FBXO10: variants seen among roughly 807,000 people sequenced by gnomAD.
The protein encoded by FBXO10 is F-box only protein 10.
In FBXO10, 39 loss-of-function variants were observed where a neutral mutation model predicts 80.7. The ratio of observed to expected loss-of-function variants is 0.48; its 90% confidence interval spans 0.37 to 0.63. The LOEUF is 0.63. Among genes scored for constraint, FBXO10 ranks in the 30% least tolerant of loss-of-function variants. The pLI is 0.00. For synonymous variants in FBXO10, 449 were observed against 489.6 expected (o/e 0.92, Z 1.09); for missense variants, 1,025 against 1,269.0 (o/e 0.81, Z 2.92).
At chr9:37,515,796 A>T in intron 10 of FBXO10, 108 bp downstream of exon 10, 1 of 1,167,574 alleles carries the variant, frequency 8.6e-7, no homozygotes, top group Non-Finnish European at 1.2e-6. Context: ...GACAGCTGGC[A>T]GGGTTGCAGG....
intron 8 of FBXO10, among the ~76,000 whole-genome samples, chr9:37,519,109 C>T (rs1821262216): frequency 6.6e-6 from 1 of 152,104 alleles, no homozygotes. Context: ...CATGGTTTCA[C>T]CGTGTTAGCC....
chr9:37,573,639 A>G (rs1390404030), intron 1 of FBXO10, among the ~76,000 whole-genome samples: 1 of 152,176 alleles, frequency 6.6e-6, no homozygotes, highest in Admixed American at 6.5e-5. Context: ...GCCCCCAGAG[A>G]GGCTGGAGAA....
In FBXO10 at chr9:37,537,852, C is replaced by T; in HGVS notation, c.677G>A (p.Cys226Tyr). Residue 226 changes from cysteine (C) to tyrosine (Y), a missense_variant, in exon 3 of 11, where the codon TGT becomes TAT. By Grantham distance (194) the Cys-to-Tyr change is radical. Coordinates refer to ENST00000432825, the MANE Select transcript of FBXO10 (RefSeq NM_012166.3). ...HGPGTCQVKF[C>Y]TFKNTHIFLH... ...GAAGATATGGGTGTTTTTGAAGGTA[C>T]AGAACTTCACTTGGCAAGTACCCGG... The T allele has an allele frequency of 3.1e-6, 5 of 1,613,954 alleles. No individual in the cohort carries two copies. Among genetic ancestry groups the T allele is most frequent in the Non-Finnish European group, 4.2e-6 (5 of 1,179,878 alleles).
chr9:37,512,684 G>C lies in FBXO10; in HGVS notation c.2734C>G (p.Pro912Ala), dbSNP rs1228716617. The C allele has an allele frequency of 6.2e-7, 1 of 1,613,922 alleles. No individual in the cohort carries two copies. The highest frequency in any genetic ancestry group is 8.5e-7 in the Non-Finnish European group (1 of 1,179,910). ...TWRLVNPPAR[P>A]HLENSLRRPS... ...CGTCTGAGAGAATTTTCAAGGTGGGGCCGTGCTGGTGGGTTCACCAGGCGC... is the reference window on the plus strand; with the variant it reads ...CGTCTGAGAGAATTTTCAAGGTGGGCCCGTGCTGGTGGGTTCACCAGGCGC... The change falls in exon 11 of 11, where the codon CCC (proline) becomes GCC (alanine). Residue 912 changes from proline (P) to alanine (A), a missense_variant. Transcript: ENST00000432825.
chr9:37,537,760 TCA>T lies in FBXO10; in HGVS notation c.767_768del (p.Val256AspfsTer3), dbSNP rs1564342746. The T allele has an allele frequency of 6.2e-7, 1 of 1,613,974 alleles. No individual in the cohort carries two copies. The highest frequency in any genetic ancestry group is 8.5e-7 in the Non-Finnish European group (1 of 1,179,880). ...TCTGCAGATGGGTGACCCTCAACAGTCACAGAGTTGTTTTCACTGCCCACAAA... is the reference window on the plus strand; with the variant it reads ...TCTGCAGATGGGTGACCCTCAACAGTCAGAGTTGTTTTCACTGCCCACAAA... ...CEFVGSENNS[V>X]TVEGHPSADK... On this transcript the variant is annotated frameshift_variant, in exon 3 of 11. Transcript: ENST00000432825. LOFTEE classifies it high-confidence loss of function.
intron 6 of FBXO10, among the ~76,000 whole-genome samples, chr9:37,524,114 C>T (rs1564335568): frequency 6.6e-6 from 1 of 152,112 alleles, no homozygotes; most frequent in Admixed American, 6.5e-5. Context: ...AAGCGATGTC[C>T]ACTCGGCCAT....
intron 1 of FBXO10, among the ~76,000 whole-genome samples, chr9:37,555,491 C>G (rs934819555): frequency 6.6e-6 from 1 of 152,210 alleles, no homozygotes; most frequent in South Asian, 2.1e-4. Flanking sequence ...AGCGATTCTC[C>G]TGCCTCAGCC....
Position 37,568,005 on chromosome 9 carries a change from G to A in FBXO10, c.-7+8206C>T, listed in dbSNP as rs532299633. ...CCCCCATCCTCTTGCAAGGAATGGG[G>A]CAACTCAAAAGAGTCCATATGAGGA... On this transcript the variant is annotated intron_variant, in intron 1 of 10. Coordinates refer to ENST00000432825, the MANE Select transcript of FBXO10 (RefSeq NM_012166.3). 1.1e-4 allele frequency among the ~76,000 whole-genome samples: 16 copies of A among 152,210 alleles called. No individual in the cohort carries two copies. The South Asian group carries it at 1.9e-3, about 18-fold the overall frequency.
At chr9:37,535,355 A>ATT (rs59049731) in intron 3 of FBXO10, among the ~76,000 whole-genome samples, 8 of 146,068 alleles carry the variant, frequency 5.5e-5, no homozygotes, top group African/African-American at 2.0e-4. Context: ...CTTTTTTTTT[A>ATT]TTTTTTTTTT....
intron 1 of FBXO10, among the ~76,000 whole-genome samples, chr9:37,567,063 A>G (rs1458828298): frequency 6.6e-6 from 1 of 151,804 alleles, no homozygotes; most frequent in East Asian, 1.9e-4. Flanking sequence ...AATTTATTGC[A>G]TGTCCTTGAA....
chr9:37,571,963 G>T (rs1316533172), intron 1 of FBXO10, among the ~76,000 whole-genome samples: 1 of 150,760 alleles, frequency 6.6e-6, no homozygotes, highest in Admixed American at 6.6e-5. Flanking sequence ...GGCAAGACCT[G>T]GTCTCTACAA....
At chr9:37,553,776 G>T (rs985369510) in intron 1 of FBXO10, among the ~76,000 whole-genome samples, 2 of 151,064 alleles carry the variant, frequency 1.3e-5, no homozygotes, top group Admixed American at 6.6e-5. Flanking sequence ...TTAGCCAGGC[G>T]TGGTGGCACA....
chr9:37,520,865 C>T (rs1012695767), intron 8 of FBXO10, among the ~76,000 whole-genome samples: 1 of 152,100 alleles, frequency 6.6e-6, no homozygotes, highest in Non-Finnish European at 1.5e-5. Flanking sequence ...GGGCACTGAG[C>T]TGGGTGGGCT....
rs756289898 is a variant in FBXO10, at chr9:37,541,695, C to T, written c.74G>A (p.Arg25His). 1.1e-5 allele frequency: 18 copies of T among 1,613,704 alleles called. No homozygotes were observed. The highest frequency in any genetic ancestry group is 2.2e-5 in the East Asian group (1 of 44,884). Reference protein sequence around the residue: ...LAYLHLPDLGRCSLVCRAWYE... With the variant: ...LAYLHLPDLGHCSLVCRAWYE... ...CCAGGCCCTGCATACCAGGCTGCAG[C>T]GGCCCAGGTCGGGAAGGTGCAAGTA... The change falls in exon 2 of 11, where the codon CGC becomes CAC. Residue 25 changes from arginine to histidine, a missense_variant. By Grantham distance (29) the Arg-to-His change is conservative. Coordinates refer to ENST00000432825, the MANE Select transcript of FBXO10 (RefSeq NM_012166.3).
At chr9:37,566,419 C>T (rs1822606394) in intron 1 of FBXO10, among the ~76,000 whole-genome samples, 2 of 145,884 alleles carry the variant, frequency 1.4e-5, no homozygotes, top group African/African-American at 5.2e-5. Flanking sequence ...GATCACACCA[C>T]TGCACTGCAG....
Position 37,517,198 on chromosome 9 carries a change from T to C in FBXO10, c.2514+927A>G, listed in dbSNP as rs117021770. 9.8e-3 allele frequency among the ~76,000 whole-genome samples: 1,485 copies of C among 152,180 alleles called. 15 individuals are homozygous for C. Among genetic ancestry groups the C allele is most frequent in the Non-Finnish European group, 0.016 (1,093 of 68,024 alleles). On this transcript the variant is annotated intron_variant, in intron 9 of 10. Transcript: ENST00000432825. Reference sequence around the variant, plus strand: ...GGCATAAGAATGATATAATGGACTTTGGTGACTCAGGGGGAAGGGTGGGAG... The same window carrying C: ...GGCATAAGAATGATATAATGGACTTCGGTGACTCAGGGGGAAGGGTGGGAG...
Position 37,531,900 on chromosome 9 carries a change from A to G in FBXO10, c.1569+9T>C, listed in dbSNP as rs776429750. The G allele has an allele frequency of 6.2e-7, 1 of 1,612,878 alleles. No individual in the cohort carries two copies. Among genetic ancestry groups the G allele is most frequent in the African/African-American group, 1.3e-5 (1 of 75,036 alleles). ...GAGTCACCCTGAATAGGGAACGAACACAAAGTACCAGTATGAGTGGGTTGG... is the reference window on the plus strand; with the variant it reads ...GAGTCACCCTGAATAGGGAACGAACGCAAAGTACCAGTATGAGTGGGTTGG... On this transcript the variant is annotated intron_variant, in intron 4 of 10. Transcript: ENST00000432825.
At chr9:37,522,726 G>A (rs957003398) in intron 7 of FBXO10, 99 bp downstream of exon 7, 15 of 1,386,666 alleles carry the variant, frequency 1.1e-5, no homozygotes, top group Non-Finnish European at 1.5e-5. Flanking sequence ...TGAGGTCTTT[G>A]AGGCACAGGG....
intron 1 of FBXO10, among the ~76,000 whole-genome samples, chr9:37,554,144 G>A (rs1292266216): frequency 6.6e-6 from 1 of 152,120 alleles, no homozygotes; most frequent in Non-Finnish European, 1.5e-5. Context: ...GTGTATCTAT[G>A]ACCAGTAAAG....
Sources: gnomAD v4.1 joint callset for allele counts (sites outside exome capture counted in the v4.1 genomes callset) on GRCh38, gnomAD v4.1.1 for gene constraint, MANE v1.5 for transcripts, NCBI Gene and HGNC (gene_info 2026-07-23, HGNC 2026-07-21) for gene names.